PFDN1: variants seen among roughly 807,000 people sequenced by gnomAD.
PFDN1 encodes prefoldin subunit 1.
In PFDN1, 6 loss-of-function variants were observed where a neutral mutation model predicts 17.3. That is an observed-to-expected ratio of 0.35 (90% CI 0.19 to 0.69). The LOEUF (loss-of-function observed/expected upper bound fraction) is 0.69. PFDN1 is among the 30% of genes least tolerant of loss of function. The probability of loss-of-function intolerance (pLI) is 0.65; values close to 1 mark genes in which losing one functional copy is unlikely to be tolerated. For missense variants in PFDN1, 113 were observed against 146.2 expected (o/e 0.77, Z 1.17); for synonymous variants, 58 against 50.1 (o/e 1.16, Z -0.67).
At chr5:140,301,621 A>G (rs1765748327) in intron 1 of PFDN1, among the ~76,000 whole-genome samples, 1 of 152,230 alleles carries the variant, frequency 6.6e-6, no homozygotes, top group Non-Finnish European at 1.5e-5. Flanking sequence ...AAACATTAGA[A>G]GATAAAACCT....
intron 3 of PFDN1, among the ~76,000 whole-genome samples, chr5:140,267,418 G>A (rs1173651928): frequency 6.6e-5 from 10 of 152,164 alleles, no homozygotes; most frequent in African/African-American, 2.4e-4. Flanking sequence ...TAGCACAACC[G>A]CTGAATCCGA....
chr5:140,279,654 C>T (rs1226427023), intron 3 of PFDN1, among the ~76,000 whole-genome samples: 1 of 151,400 alleles, frequency 6.6e-6, no homozygotes, highest in Non-Finnish European at 1.5e-5. Flanking sequence ...TGAAAGTTAA[C>T]AACAAAAAAA....
rs1257831099 is a variant in PFDN1, at chr5:140,245,531, A to G, written c.*443T>C. 1 of 702,632 alleles carries G rather than the reference A, an allele frequency of 1.4e-6. No homozygotes were observed. Among genetic ancestry groups the G allele is most frequent in the Admixed American group, 2.0e-5 (1 of 50,016 alleles). The allele number at this position is 702,632 out of a possible 1,614,324, so 43.5% of individuals were successfully genotyped here. ...GAGGGCAAGGCCCATCCCCCAAGAA[A>G]GGAAGGGCTCTGATGCAGAGGGAGC... On this transcript the variant is annotated 3_prime_UTR_variant, in exon 4 of 4. Transcript: ENST00000261813.
At chr5:140,256,331 G>C (rs1764984999) in intron 3 of PFDN1, among the ~76,000 whole-genome samples, 1 of 151,986 alleles carries the variant, frequency 6.6e-6, no homozygotes, top group Non-Finnish European at 1.5e-5. Flanking sequence ...AGTGAGCTGA[G>C]ATCAAGCCAC....
Position 140,300,302 on chromosome 5 carries a change from T to C in PFDN1, c.200+114A>G, listed in dbSNP as rs1581101134. 6.8e-6 allele frequency: 5 copies of C among 736,658 alleles called. No homozygotes were observed. In the South Asian group the frequency reaches 7.3e-5, roughly 11 times the overall value. The allele number at this position is 736,658 out of a possible 1,614,324, so 45.6% of individuals were successfully genotyped here. On this transcript the variant is annotated intron_variant, in intron 2 of 3. Transcript: ENST00000261813. ...CCTCGACCTCCCAAAGTGCCAGGAT[T>C]ACAGGCATGAGCCACCACTCCTGGC...
intron 1 of PFDN1, among the ~76,000 whole-genome samples, chr5:140,301,397 G>T (rs1352269761): frequency 1.3e-5 from 2 of 152,200 alleles, no homozygotes; most frequent in Non-Finnish European, 2.9e-5. Context: ...ACAGTTCTTG[G>T]ATACTTTTGT....
At chr5:140,272,013 T>C (rs1765213346) in intron 3 of PFDN1, among the ~76,000 whole-genome samples, 1 of 122,222 alleles carries the variant, frequency 8.2e-6, no homozygotes, top group Non-Finnish European at 1.7e-5. Flanking sequence ...TTTATACACA[T>C]AAAATATATT....
At chr5:140,247,401 A>G (rs558827889) in intron 3 of PFDN1, among the ~76,000 whole-genome samples, 5 of 152,082 alleles carry the variant, frequency 3.3e-5, no homozygotes, top group Admixed American at 2.6e-4. Context: ...CGGTCTCCCA[A>G]AGTGCTGGCA....
At chr5:140,280,070 A>C (rs1351389741) in intron 3 of PFDN1, among the ~76,000 whole-genome samples, 1 of 151,494 alleles carries the variant, frequency 6.6e-6, no homozygotes, top group Non-Finnish European at 1.5e-5. Flanking sequence ...ATTTATCCCT[A>C]CGTCCCATCT....
intron 3 of PFDN1, among the ~76,000 whole-genome samples, chr5:140,261,908 T>C (rs1197346407): frequency 6.6e-6 from 1 of 151,870 alleles, no homozygotes; most frequent in Non-Finnish European, 1.5e-5. Context: ...AGGGCTCAGA[T>C]CATGATGAAA....
At chr5:140,277,835 A>G (rs1765320016) in intron 3 of PFDN1, among the ~76,000 whole-genome samples, 1 of 152,176 alleles carries the variant, frequency 6.6e-6, no homozygotes, top group Admixed American at 6.5e-5. Flanking sequence ...GAGAAAAGAC[A>G]AATTAACAAC....
intron 3 of PFDN1, among the ~76,000 whole-genome samples, chr5:140,268,639 C>T (rs761111856): frequency 4.6e-5 from 7 of 152,030 alleles, no homozygotes; most frequent in Non-Finnish European, 8.8e-5. Context: ...AGTAAGACTC[C>T]ATCTCAACAA....
intron 3 of PFDN1, among the ~76,000 whole-genome samples, chr5:140,261,430 C>G (rs1342590259): frequency 6.6e-6 from 1 of 152,152 alleles, no homozygotes; most frequent in Admixed American, 6.5e-5. Context: ...CAAGAGTAAA[C>G]TTCTATGTGA....
intron 3 of PFDN1, among the ~76,000 whole-genome samples, chr5:140,252,302 GC>G (rs1764926716): frequency 6.6e-6 from 1 of 152,232 alleles, no homozygotes; most frequent in South Asian, 2.1e-4. Flanking sequence ...CTCATCTCCT[GC>G]CCTCCAATCC....
At chr5:140,284,446 G>GA (rs749616919) in intron 2 of PFDN1, among the ~76,000 whole-genome samples, 2 of 152,132 alleles carry the variant, frequency 1.3e-5, no homozygotes, top group East Asian at 1.9e-4. Flanking sequence ...TCTGATTTCT[G>GA]AAAAAAAGTC....
intron 3 of PFDN1, among the ~76,000 whole-genome samples, chr5:140,271,270 T>G (rs777716375): frequency 2.4e-4 from 37 of 152,308 alleles, no homozygotes; most frequent in Non-Finnish European, 4.7e-4. Flanking sequence ...CAGCAGGCTC[T>G]CTTAGACTGA....
At position 140,254,894 on chromosome 5, in the gene PFDN1, A is replaced by G. The variant is rs1244112411; in HGVS notation, c.286-8837T>C. Among the ~76,000 whole-genome samples, 3 of 151,722 alleles carry G rather than the reference A, an allele frequency of 2.0e-5. No homozygotes were observed. The highest frequency in any genetic ancestry group is 7.3e-5 in the African/African-American group (3 of 41,230). On this transcript the variant is annotated intron_variant, in intron 3 of 3. Transcript: ENST00000261813. This position sits in a 1 kb window ranked among gnomAD's most constrained non-coding sequence, Gnocchi z 4.4. Reference sequence around the variant, plus strand: ...TTATTCTCCTTATATTTACCCTTTCACCTATGTCCCTCTCTCCCTCTGTTG... The same window carrying G: ...TTATTCTCCTTATATTTACCCTTTCGCCTATGTCCCTCTCTCCCTCTGTTG...
At chr5:140,250,754 G>A (rs1362963436) in intron 3 of PFDN1, among the ~76,000 whole-genome samples, 2 of 152,186 alleles carry the variant, frequency 1.3e-5, no homozygotes, top group Non-Finnish European at 2.9e-5. Flanking sequence ...CCCAACAGAA[G>A]AAGCAAAGGC....
intron 3 of PFDN1, among the ~76,000 whole-genome samples, chr5:140,259,797 C>T (rs1417078195): frequency 6.6e-6 from 1 of 152,178 alleles, no homozygotes; most frequent in African/African-American, 2.4e-5. Flanking sequence ...TAAAGTCAAT[C>T]CTGATCCTGC....
Sources: allele counts gnomAD v4.1 joint callset (sites outside exome capture counted in the v4.1 genomes callset), GRCh38; gene constraint gnomAD v4.1.1; non-coding constraint Gnocchi (gnomAD v3.1); transcripts MANE v1.5; gene names NCBI Gene and HGNC (gene_info 2026-07-23, HGNC 2026-07-21).